Variants in GPR158 observed in about 807,000 individuals in gnomAD.
The protein encoded by GPR158 is metabotropic glycine receptor.
A neutral mutation model predicts 78.2 loss-of-function variants in GPR158; 30 were observed. That is an observed-to-expected ratio of 0.38 (90% confidence interval 0.29 to 0.52). The LOEUF is 0.52. Among genes scored for constraint, GPR158 ranks in the 20% least tolerant of loss-of-function variants. The pLI is 0.83. For synonymous variants in GPR158, 581 were observed against 591.1 expected (o/e 0.98, Z 0.25); for missense variants, 1,463 against 1,523.5 (o/e 0.96, Z 0.66).
At chr10:25,187,401 A>G (rs1467233741) in intron 1 of GPR158, among the ~76,000 whole-genome samples, 2 of 152,158 alleles carry the variant, frequency 1.3e-5, no homozygotes, top group African/African-American at 4.8e-5. Flanking sequence ...CTGGCAGACC[A>G]AATCCAGCAG....
chr10:25,188,936 A>G (rs1852729369), intron 1 of GPR158, among the ~76,000 whole-genome samples: 1 of 152,236 alleles, frequency 6.6e-6, no homozygotes, highest in Non-Finnish European at 1.5e-5. Context: ...CAAATTTACA[A>G]GAAAAAAACA....
intron 2 of GPR158, among the ~76,000 whole-genome samples, chr10:25,241,180 T>C (rs1272689955): frequency 5.2e-5 from 5 of 96,810 alleles, no homozygotes; most frequent in African/African-American, 2.5e-4. Flanking sequence ...TTTCTTTCTT[T>C]CTTTCTTTCC....
At chr10:25,369,652 A>G (rs1413533837) in intron 2 of GPR158, among the ~76,000 whole-genome samples, 2 of 151,868 alleles carry the variant, frequency 1.3e-5, no homozygotes, top group East Asian at 1.9e-4. Context: ...GTCTCTGCCC[A>G]GCTTTGCTGT....
At position 25,176,421 on chromosome 10, in the gene GPR158, C is replaced by T. The variant is rs1852534728; in HGVS notation, c.902+99C>T. The T allele has an allele frequency of 2.1e-6, 2 of 963,518 alleles. No individual in the cohort carries two copies. The highest frequency in any genetic ancestry group is 1.6e-5 in the African/African-American group (1 of 61,772). 59.7% of individuals were successfully genotyped at this position (963,518 alleles called of 1,614,324 possible). A position where few individuals can be genotyped will look rare whatever the true frequency, so the allele number is the denominator to read the frequency against. ...GTGAGGAAGGAACCCTTGGCTGTGA[C>T]GCGAACGCTTCTCACCCTCAGAGTA... On this transcript the variant is annotated intron_variant, in intron 1 of 10. Transcript: ENST00000376351. This position sits in a 1 kb window ranked among gnomAD's most constrained non-coding sequence, Gnocchi z 6.3.
chr10:25,433,690 C>CTTTTTTTTTTTTTTTTTTTTTTT (rs776105443), intron 4 of GPR158, among the ~76,000 whole-genome samples: 1 of 93,260 alleles, frequency 1.1e-5, no homozygotes, highest in African/African-American at 3.7e-5. Context: ...TTCTTTCTTT[C>CTTTTTTTTTTTTTTTTTTTTTTT]TTTCTTTTTT....
intron 4 of GPR158, among the ~76,000 whole-genome samples, chr10:25,421,513 T>A (rs190832469): frequency 5.1e-4 from 78 of 152,212 alleles, no homozygotes; most frequent in African/African-American, 1.9e-3. Context: ...GATTTATAAA[T>A]TTTTTTTCTT....
At chr10:25,555,395 C>A (rs1443563432) in intron 6 of GPR158, among the ~76,000 whole-genome samples, 1 of 152,142 alleles carries the variant, frequency 6.6e-6, no homozygotes, top group Non-Finnish European at 1.5e-5. Context: ...GAAGTAGGCA[C>A]AAACGATGTT....
intron 2 of GPR158, among the ~76,000 whole-genome samples, chr10:25,301,645 A>C (rs560631223): frequency 1.6e-3 from 162 of 100,464 alleles, no homozygotes; most frequent in Admixed American, 2.5e-3. Flanking sequence ...TCTGATTTTC[A>C]AAAAAAAAGA....
chr10:25,549,782 G>A (rs1175345160), intron 5 of GPR158, among the ~76,000 whole-genome samples: 1 of 151,990 alleles, frequency 6.6e-6, no homozygotes, highest in African/African-American at 2.4e-5. Context: ...TTCATTCTTG[G>A]CACTGCTAGA....
chr10:25,561,341 A>G (rs1471657408), intron 6 of GPR158, among the ~76,000 whole-genome samples: 2 of 152,244 alleles, frequency 1.3e-5, no homozygotes, highest in Non-Finnish European at 2.9e-5. Context: ...ATTTAAGGAC[A>G]GAATTTATTC....
intron 2 of GPR158, among the ~76,000 whole-genome samples, chr10:25,362,176 A>T (rs909739149): frequency 3.9e-5 from 6 of 151,922 alleles, no homozygotes; most frequent in African/African-American, 1.4e-4. Flanking sequence ...TTGCATTTGG[A>T]TATCCAGATT....
At chr10:25,188,358 G>T (rs1424855381) in intron 1 of GPR158, among the ~76,000 whole-genome samples, 1 of 152,198 alleles carries the variant, frequency 6.6e-6, no homozygotes, top group Non-Finnish European at 1.5e-5. Context: ...AAAGCTGGAG[G>T]CATCATGCCA....
intron 4 of GPR158, among the ~76,000 whole-genome samples, chr10:25,435,682 G>T (rs1290663871): frequency 6.6e-6 from 1 of 152,200 alleles, no homozygotes; most frequent in Non-Finnish European, 1.5e-5. Flanking sequence ...TTTGAAGCAA[G>T]GGAATAGAGG....
chr10:25,384,182 A>C (rs1244503259), intron 2 of GPR158, among the ~76,000 whole-genome samples: 1 of 152,156 alleles, frequency 6.6e-6, no homozygotes, highest in African/African-American at 2.4e-5. Flanking sequence ...GAGAAAAGAC[A>C]TTTGTAGAGT....
At chr10:25,407,092 AC>A (rs1215312069) in intron 3 of GPR158, among the ~76,000 whole-genome samples, 1 of 152,052 alleles carries the variant, frequency 6.6e-6, no homozygotes, top group Non-Finnish European at 1.5e-5. Flanking sequence ...TATATTTTAC[AC>A]CTTCTTTTAG....
chr10:25,536,496 C>T (rs1030710824), intron 5 of GPR158, among the ~76,000 whole-genome samples: 3 of 152,284 alleles, frequency 2.0e-5, no homozygotes, highest in East Asian at 1.9e-4. Context: ...TAATGGCCTT[C>T]GTTAACATCC....
At chr10:25,422,857 C>CA (rs113554351) in intron 4 of GPR158, among the ~76,000 whole-genome samples, 2,491 of 148,124 alleles carry the variant, frequency 0.017, 71 homozygotes, top group African/African-American at 0.051. Context: ...CTTACCCCCC[C>CA]CACACTTTCC....
At chr10:25,259,729 C>T (rs987398251) in intron 2 of GPR158, among the ~76,000 whole-genome samples, 1 of 152,074 alleles carries the variant, frequency 6.6e-6, no homozygotes. Flanking sequence ...CATATTGTAT[C>T]TCTGCTTTTA....
intron 2 of GPR158, among the ~76,000 whole-genome samples, chr10:25,269,707 G>C (rs1854091016): frequency 6.6e-6 from 1 of 152,170 alleles, no homozygotes; most frequent in Non-Finnish European, 1.5e-5. Context: ...ACCATGTAAT[G>C]AAATTGCAGC....
Sources: allele counts gnomAD v4.1 joint callset (sites outside exome capture counted in the v4.1 genomes callset), GRCh38; gene constraint gnomAD v4.1.1; non-coding constraint Gnocchi (gnomAD v3.1); transcripts MANE v1.5; gene names NCBI Gene and HGNC (gene_info 2026-07-23, HGNC 2026-07-21).